The following PAX4 variants were observed in gnomAD, a reference collection of about 807,000 sequenced individuals.
The protein encoded by PAX4 is paired box protein Pax-4.
In PAX4, 33 loss-of-function variants were observed where a neutral mutation model predicts 40.6. That is an observed-to-expected ratio of 0.81 (90% CI 0.62 to 1.09). PAX4 has a LOEUF of 1.09. PAX4 is among the 50% of genes least tolerant of loss of function. The pLI, the probability that PAX4 is intolerant of heterozygous loss-of-function variation, is 0.00. For synonymous variants in PAX4, 174 were observed against 170.6 expected (o/e 1.02, Z -0.16); for missense variants, 459 against 442.5 (o/e 1.04, Z -0.33).
At position 127,610,989 on chromosome 7, in the gene PAX4, TATGGGCAGGACGGTAAGGACA is replaced by T. The variant is rs930613061; in HGVS notation, c.*54_*74del. On this transcript the variant is annotated 3_prime_UTR_variant, in exon 12 of 12. Coordinates refer to ENST00000639438, the MANE Select transcript of PAX4 (RefSeq NM_001366110.1). ...GGAAGGAGGAAGGAGCCACAGTCTG[TATGGGCAGGACGGTAAGGACA>T]ATGGGCAGGATGGTATTAGATCTTC... The T allele has an allele frequency of 4.1e-5, 63 of 1,553,674 alleles. No homozygotes were observed. The highest frequency in any genetic ancestry group is 5.0e-5 in the Non-Finnish European group (57 of 1,148,086).
intron 9 of PAX4, 93 bp from the exon 10 acceptor site, chr7:127,612,093 G>T: frequency 7.8e-7 from 1 of 1,280,424 alleles, no homozygotes; most frequent in Non-Finnish European, 1.1e-6. Flanking sequence ...ATACAAAGAG[G>T]TTCTAGGAAA....
rs1794703178 is a variant in PAX4 at position 127,615,100 on chromosome 7, G to C, written c.145-5C>G. ...GCTCACACAGCCATTAGATACCTGAGTCAGGTGAGAAGCAGGGACAGGTGA... is the reference window on the plus strand; with the variant it reads ...GCTCACACAGCCATTAGATACCTGACTCAGGTGAGAAGCAGGGACAGGTGA... On this transcript the variant is annotated splice_polypyrimidine_tract_variant and splice_region_variant and intron_variant, in intron 4 of 11. Coordinates refer to ENST00000639438, the MANE Select transcript of PAX4 (RefSeq NM_001366110.1). 4 of 1,614,164 alleles carry C rather than the reference G, an allele frequency of 2.5e-6. No individual in the cohort carries two copies. The highest frequency in any genetic ancestry group is 3.4e-6 in the Non-Finnish European group (4 of 1,180,030).
At chr7:127,617,595 C>T (rs901232651) in intron 1 of PAX4, among the ~76,000 whole-genome samples, 195 bp from the exon 2 acceptor site, 4 of 152,118 alleles carry the variant, frequency 2.6e-5, no homozygotes, top group Admixed American at 2.0e-4. Context: ...TGAAGGAGCT[C>T]AAAATATCAG....
At chr7:127,615,704 G>T (rs950294301) in intron 3 of PAX4, 173 bp from the exon 4 acceptor site, 7 of 1,513,378 alleles carry the variant, frequency 4.6e-6, no homozygotes, top group Non-Finnish European at 6.2e-6. Flanking sequence ...TTCTTTGAGA[G>T]CTGGCTCACG....
Position 127,615,381 on chromosome 7 carries a change from T to C in PAX4, c.144+20A>G, listed in dbSNP as rs778724109. On this transcript the variant is annotated intron_variant, in intron 4 of 11. Coordinates refer to ENST00000639438, the MANE Select transcript of PAX4 (RefSeq NM_001366110.1). ...CCTGCTTCCTGTCCCCATCACTGGG[T>C]AAAGGTGCTGGCCCATTACCTTAAG... The C allele has an allele frequency of 1.5e-5, 25 of 1,614,042 alleles. No homozygotes were observed. Among genetic ancestry groups the C allele is most frequent in the Non-Finnish European group, 2.1e-5 (25 of 1,179,994 alleles).
chr7:127,611,619 A>T lies in PAX4; in HGVS notation c.829T>A (p.Ser277Thr). The change falls in exon 11 of 12, where the codon TCC becomes ACC. Residue 277 changes from serine (S) to threonine (T), a missense_variant. Ser to Thr is a moderately conservative substitution (Grantham distance 58, BLOSUM62 1). Transcript: ENST00000639438. ...GTTGCCCAGCACAGCTGATAGCAGG[A>T]GGGACCCAGTGGTTCCAGGGCAGGC... ...ALPALEPLGP[S>T]CYQLCWATAP... 1 of 1,613,712 alleles carries T rather than the reference A, an allele frequency of 6.2e-7. No individual in the cohort carries two copies. The highest frequency in any genetic ancestry group is 2.2e-5 in the East Asian group (1 of 44,856).
rs1483890889 is a variant in PAX4, at chr7:127,615,454, C to T, written c.91G>A (p.Val31Met). 1.2e-6 allele frequency: 2 copies of T among 1,614,230 alleles called. No individual in the cohort carries two copies. The highest frequency in any genetic ancestry group is 1.1e-5 in the South Asian group (1 of 91,084). Residue 31 changes from valine to methionine, a missense_variant, in exon 4 of 12, where the codon GTG (valine) becomes ATG (methionine). Physicochemically the swap from Val to Met is conservative, Grantham distance 21. Transcript: ENST00000639438. ...CGCATTCCACTGACTGCTAGCCGCA[C>T]AATCTGCTGCCGGGTATCCAGAGGC... ...PLPLDTRQQI[V>M]RLAVSGMRPC...
chr7:127,616,084 G>T, intron 2 of PAX4, 57 bp from the exon 3 acceptor site: 1 of 833,156 alleles, frequency 1.2e-6, no homozygotes, highest in Non-Finnish European at 1.8e-6. Context: ...GTCCTGGGAG[G>T]TAGTGTTTTG....
rs1160351169 is a variant in PAX4, at chr7:127,615,732, T to TA, written c.13+183_13+184insT. The TA allele has an allele frequency of 3.3e-6, 5 of 1,498,682 alleles. No homozygotes were observed. In the African/African-American group the frequency reaches 6.9e-5, roughly 21 times the overall value. 92.8% of individuals were successfully genotyped at this position (1,498,682 alleles called of 1,614,324 possible). A position where few individuals can be genotyped will look rare whatever the true frequency, so the allele number is the denominator to read the frequency against. ...GGCTCACGGGTGAGTCTTTGTTCCT[T>TA]GCCCATACCCGCCAACTCTCCTGAT... On this transcript the variant is annotated intron_variant, in intron 3 of 11. Coordinates refer to ENST00000639438, the MANE Select transcript of PAX4 (RefSeq NM_001366110.1).
rs1794661905 is a variant in PAX4, at chr7:127,613,047, C to T, written c.690G>A (p.Lys230=). The change falls in exon 9 of 12, where the codon AAG becomes AAA. Residue 230 remains lysine, a synonymous_variant. Coordinates refer to ENST00000639438, the MANE Select transcript of PAX4 (RefSeq NM_001366110.1). ...CTGGCAGCTGCATTTCCCACTTGAGCTTCTCTTGCCGACGCCATTTGGCTC... is the reference window on the plus strand; with the variant it reads ...CTGGCAGCTGCATTTCCCACTTGAGTTTCTCTTGCCGACGCCATTTGGCTC... ...NRRAKWRRQE[K]LKWEMQLPGA... 1 of 1,613,338 alleles carries T rather than the reference C, an allele frequency of 6.2e-7. No individual in the cohort carries two copies. The highest frequency in any genetic ancestry group is 8.5e-7 in the Non-Finnish European group (1 of 1,180,000).
At position 127,615,977 on chromosome 7, in the gene PAX4, TGGGAA is replaced by T. The variant is rs1340888803; in HGVS notation, c.-54_-50del. ...AGGATGAGACTCCAGCTGGGAAGGC[TGGGAA>T]GGGAAGTTCCTTCTAGGAGCTCCTT... is the stretch of plus-strand genomic sequence containing the variant. On this transcript the variant is annotated 5_prime_UTR_variant, in exon 3 of 12. Transcript: ENST00000639438. 5 of 1,535,328 alleles carry T rather than the reference TGGGAA, an allele frequency of 3.3e-6. No homozygotes were observed. The highest frequency in any genetic ancestry group is 4.4e-6 in the Non-Finnish European group (5 of 1,146,524).
rs747167314 is a variant in PAX4 at position 127,615,519 on chromosome 7, A to C, written c.26T>G (p.Met9Arg). The change falls in exon 4 of 12, where the codon ATG becomes AGG. Residue 9 changes from methionine to arginine, a missense_variant. Coordinates refer to ENST00000639438, the MANE Select transcript of PAX4 (RefSeq NM_001366110.1). MHQDGISS[M>R]NQLGGLFVNG... Reference sequence around the variant, plus strand: ...CACAAAGAGCCCCCCAAGCTGGTTCATGCTGCTGATCCCTGGGCGTGAGAC... The same window carrying C: ...CACAAAGAGCCCCCCAAGCTGGTTCCTGCTGCTGATCCCTGGGCGTGAGAC... 1 of 1,614,056 alleles carries C rather than the reference A, an allele frequency of 6.2e-7. No homozygotes were observed. Among genetic ancestry groups the C allele is most frequent in the Non-Finnish European group, 8.5e-7 (1 of 1,179,982 alleles).
In PAX4 at chr7:127,614,866, G is replaced by A. The variant is rs778254299; in HGVS notation, c.360+14C>T. 15 of 1,613,136 alleles carry A rather than the reference G, an allele frequency of 9.3e-6. No homozygotes were observed. In the Admixed American group the frequency reaches 2.5e-4, roughly 27 times the overall value. The stretch of plus-strand genomic sequence containing the variant: ...TCTTTTCCAGCCCCAGTGTGGGGAG[G>A]GAAGGGTACTTACACTGGGAGTCTT... On this transcript the variant is annotated intron_variant, in intron 5 of 11. Coordinates refer to ENST00000639438, the MANE Select transcript of PAX4 (RefSeq NM_001366110.1).
intron 4 of PAX4, 98 bp from the exon 5 acceptor site, chr7:127,615,193 T>A: frequency 6.2e-7 from 1 of 1,604,562 alleles, no homozygotes; most frequent in Non-Finnish European, 8.5e-7. Context: ...AAGCCAAGAC[T>A]TACTGGACCA....
At position 127,615,536 on chromosome 7, in the gene PAX4, G is replaced by A. The variant is rs1562961066; in HGVS notation, c.14-5C>T. On this transcript the variant is annotated splice_polypyrimidine_tract_variant and splice_region_variant and intron_variant, in intron 3 of 11. Transcript: ENST00000639438. The stretch of plus-strand genomic sequence containing the variant: ...GCTGGTTCATGCTGCTGATCCCTGG[G>A]CGTGAGACAGAGGTATCCACACACC... 1.2e-6 allele frequency: 2 copies of A among 1,613,808 alleles called. No individual in the cohort carries two copies. Among genetic ancestry groups the A allele is most frequent in the Non-Finnish European group, 1.7e-6 (2 of 1,179,948 alleles).
At chr7:127,615,363 C>T in intron 4 of PAX4, 38 bp downstream of exon 4, 2 of 1,614,060 alleles carry the variant, frequency 1.2e-6, no homozygotes, top group East Asian at 2.2e-5. Flanking sequence ...CTCCCTGCTT[C>T]CTGTCCCCAT....
At chr7:127,615,755 G>A in intron 3 of PAX4, 161 bp downstream of exon 3, 1 of 1,500,832 alleles carries the variant, frequency 6.7e-7, no homozygotes, top group Non-Finnish European at 8.9e-7. Flanking sequence ...CAACTCTCCT[G>A]ATCTAAGGGA....
intron 9 of PAX4, 111 bp downstream of exon 9, chr7:127,612,911 T>C (rs1431534726): frequency 9.9e-6 from 8 of 809,460 alleles, no homozygotes; most frequent in African/African-American, 1.7e-5. Flanking sequence ...CATGGGTGGA[T>C]GGATAAATGG....
intron 8 of PAX4, 136 bp from the exon 9 acceptor site, chr7:127,613,227 C>A: frequency 1.1e-6 from 1 of 871,478 alleles, no homozygotes; most frequent in East Asian, 2.5e-5. Flanking sequence ...CCTGCTCTAG[C>A]TTTTGCTCTC....
Sources: gnomAD v4.1 joint callset for allele counts (sites outside exome capture counted in the v4.1 genomes callset) on GRCh38, gnomAD v4.1.1 for gene constraint, MANE v1.5 for transcripts, NCBI Gene and HGNC (gene_info 2026-07-23, HGNC 2026-07-21) for gene names.